The following LRRK1 variants were observed in gnomAD, a reference collection of about 807,000 sequenced individuals.
LRRK1 encodes the protein leucine-rich repeat serine/threonine-protein kinase 1.
In LRRK1, 113 loss-of-function variants were observed where a neutral mutation model predicts 209.1. The observed-to-expected ratio is 0.54, with a 90% confidence interval of 0.46 to 0.63. The LOEUF is 0.63. Ranked by LOEUF, LRRK1 falls within the 30% of genes least tolerant of loss-of-function variation. The probability of loss-of-function intolerance (pLI) is 0.00; values close to 1 mark genes in which losing one functional copy is unlikely to be tolerated. For synonymous variants in LRRK1, 1,144 were observed against 1,099.7 expected (o/e 1.04, Z -0.80); for missense variants, 2,284 against 2,632.2 (o/e 0.87, Z 2.89).
Position 101,052,958 on chromosome 15 carries a change from G to A in LRRK1, c.3726G>A (p.Glu1242=). ...FLENSKLEHS[E]DEGSVLGQGG... is the part of the protein sequence containing the mutation. ...AGAACAGCAAGCTGGAGCACAGCGA[G>A]GACGAGGGCAGCGTCCTGGGCCAGG... Residue 1242 remains glutamate, a synonymous_variant, in exon 25 of 34, where the codon GAG becomes GAA. Coordinates refer to ENST00000388948, the MANE Select transcript of LRRK1 (RefSeq NM_024652.6). 1 of 1,611,558 alleles carries A rather than the reference G, an allele frequency of 6.2e-7. No individual in the cohort carries two copies. Among genetic ancestry groups the A allele is most frequent in the Non-Finnish European group, 8.5e-7 (1 of 1,178,324 alleles).
intron 17 of LRRK1, among the ~76,000 whole-genome samples, chr15:101,026,625 G>A (rs1029583658): frequency 1.3e-5 from 2 of 152,212 alleles, no homozygotes; most frequent in Admixed American, 1.3e-4. Context: ...AATTGCCCTG[G>A]GCTGACTGCC....
Position 100,962,823 on chromosome 15 carries a change from A to ATATATATACGTATT in LRRK1, c.98-10980_98-10979insATATATACGTATTT. ...TATATATATATATATATATATATATATTTTTTTTTTTTTTTTTGAGATGGA... is the reference window on the plus strand; with the variant it reads ...TATATATATATATATATATATATATATATATATACGTATTTTTTTTTTTTTTTTTTTGAGATGGA... On this transcript the variant is annotated intron_variant, in intron 2 of 33. Transcript: ENST00000388948. Among the ~76,000 whole-genome samples, 3 of 11,544 alleles carry ATATATATACGTATT rather than the reference A, an allele frequency of 2.6e-4. 1 individual carries two copies. Among genetic ancestry groups the ATATATATACGTATT allele is most frequent in the African/African-American group, 7.6e-4 (3 of 3,958 alleles). 7.6% of individuals were successfully genotyped at this position (11,544 alleles called of 152,430 possible). A position where few individuals can be genotyped will look rare whatever the true frequency, so the allele number is the denominator to read the frequency against.
intron 30 of LRRK1, chr15:101,062,350 G>C: frequency 2.2e-6 from 1 of 463,630 alleles, no homozygotes; most frequent in Non-Finnish European, 3.9e-6. Flanking sequence ...CTGGGGAATA[G>C]ATGACGGGCT....
intron 31 of LRRK1, among the ~76,000 whole-genome samples, chr15:101,064,144 G>C (rs569538427): frequency 6.6e-6 from 1 of 152,398 alleles, no homozygotes; most frequent in East Asian, 1.9e-4. Flanking sequence ...CCTGAGCCAG[G>C]ACTGCAGATA....
At chr15:101,023,907 G>C (rs2033906454) in intron 15 of LRRK1, among the ~76,000 whole-genome samples, 3 of 152,196 alleles carry the variant, frequency 2.0e-5, no homozygotes, top group Admixed American at 2.0e-4. Context: ...TTCTCTCCAG[G>C]AACCAGAATC....
chr15:101,054,796 A>G, intron 26 of LRRK1, 150 bp from the exon 27 acceptor site: 1 of 683,758 alleles, frequency 1.5e-6, no homozygotes, highest in Non-Finnish European at 2.4e-6. Context: ...TGGGTGATAG[A>G]GGGAGACTCT....
intron 16 of LRRK1, among the ~76,000 whole-genome samples, chr15:101,025,758 C>G (rs944724155): frequency 6.6e-6 from 1 of 152,194 alleles, no homozygotes; most frequent in Non-Finnish European, 1.5e-5. Context: ...CCCAACCTCC[C>G]GTCAGGCCTC....
intron 1 of LRRK1, among the ~76,000 whole-genome samples, chr15:100,923,331 C>T (rs565555634): frequency 4.6e-5 from 7 of 152,318 alleles, no homozygotes; most frequent in African/African-American, 1.7e-4. Flanking sequence ...ACACCTTTAA[C>T]GTCCACGCTA....
At chr15:100,997,076 A>G (rs796558941) in intron 6 of LRRK1, among the ~76,000 whole-genome samples, 12 of 133,834 alleles carry the variant, frequency 9.0e-5, no homozygotes, top group African/African-American at 3.3e-4. Context: ...GATTATTAAT[A>G]TAATCATATC....
chr15:101,023,182 T>C (rs2033876016), intron 15 of LRRK1, among the ~76,000 whole-genome samples: 1 of 152,134 alleles, frequency 6.6e-6, no homozygotes, highest in Admixed American at 6.5e-5. Flanking sequence ...CCCTGACACC[T>C]GCTTTCACCC....
intron 11 of LRRK1, 84 bp downstream of exon 11, chr15:101,014,512 G>T (rs2033435987): frequency 1.1e-6 from 1 of 908,880 alleles, no homozygotes; most frequent in African/African-American, 1.7e-5. Context: ...GGTGGCATGT[G>T]AGTCTGCGAG....
chr15:100,942,308 C>T (rs1471025000), intron 2 of LRRK1, among the ~76,000 whole-genome samples: 1 of 152,160 alleles, frequency 6.6e-6, no homozygotes, highest in African/African-American at 2.4e-5. Flanking sequence ...TAGCACCATA[C>T]TAAGTGCACA....
At chr15:101,021,606 G>A (rs2033789921) in intron 13 of LRRK1, 2 of 538,478 alleles carry the variant, frequency 3.7e-6, no homozygotes, top group Non-Finnish European at 6.5e-6. Flanking sequence ...AGACAGGAAA[G>A]TTGGGGGAGG....
chr15:101,001,861 G>A (rs1333568930), intron 6 of LRRK1, among the ~76,000 whole-genome samples: 1 of 152,172 alleles, frequency 6.6e-6, no homozygotes, highest in Non-Finnish European at 1.5e-5. Flanking sequence ...AGGAGCTGCA[G>A]ACACAGGAAG....
chr15:101,057,044 A>G lies in LRRK1; in HGVS notation c.4521A>G (p.Pro1507=). 1 of 1,606,012 alleles carries G rather than the reference A, an allele frequency of 6.2e-7. No individual in the cohort carries two copies. The highest frequency in any genetic ancestry group is 1.3e-5 in the African/African-American group (1 of 74,714). ...TGATGGAGTGCTGGGACACTAAGCCAGAGAAGGTACTTGGGGACACAGAGC... is the reference window on the plus strand; with the variant it reads ...TGATGGAGTGCTGGGACACTAAGCCGGAGAAGGTACTTGGGGACACAGAGC... ...ALMMECWDTK[P]EKRPLALSVV... Residue 1507 remains proline, a synonymous_variant, in exon 28 of 34, where the codon CCA becomes CCG. Transcript: ENST00000388948.
At chr15:101,023,636 A>G (rs191972780) in intron 15 of LRRK1, among the ~76,000 whole-genome samples, 1 of 152,196 alleles carries the variant, frequency 6.6e-6, no homozygotes, top group African/African-American at 2.4e-5. Context: ...TGAGATCCAG[A>G]TGGTCCATGA....
rs189314178 is a variant in LRRK1 at position 101,040,278 on chromosome 15, A to G, written c.2964-5703A>G. Among the ~76,000 whole-genome samples the G allele has an allele frequency of 4.0e-5, 6 of 150,652 alleles. No homozygotes were observed. The East Asian group carries it at 1.2e-3, about 29-fold the overall frequency. On this transcript the variant is annotated intron_variant, in intron 20 of 33. Transcript: ENST00000388948. ...ATTCTTGTGTCAGTTTTGGTAAGTT[A>G]TTTTTTTTTCAATAAATTTTTTCAT...
At chr15:101,003,049 CTG>C (rs1357012546) in intron 6 of LRRK1, among the ~76,000 whole-genome samples, 3 of 152,210 alleles carry the variant, frequency 2.0e-5, no homozygotes, top group Non-Finnish European at 4.4e-5. Flanking sequence ...ACTTTTTTAA[CTG>C]TGCATTTTTT....
intron 6 of LRRK1, among the ~76,000 whole-genome samples, chr15:100,990,794 A>T (rs115751660): frequency 1.4e-5 from 2 of 143,782 alleles, no homozygotes. Context: ...CCAATCCATT[A>T]TTTTTCTTTT....
Sources: allele counts gnomAD v4.1 joint callset (sites outside exome capture counted in the v4.1 genomes callset), GRCh38; gene constraint gnomAD v4.1.1; transcripts MANE v1.5; gene names NCBI Gene and HGNC (gene_info 2026-07-23, HGNC 2026-07-21).